The following SMYD3 variants were observed in gnomAD, a reference collection of about 807,000 sequenced individuals.
SMYD3 encodes histone-lysine N-methyltransferase SMYD3.
In SMYD3, 36 loss-of-function variants were observed where a neutral mutation model predicts 57.7. The ratio of observed to expected loss-of-function variants is 0.62; its 90% CI spans 0.48 to 0.82. The LOEUF is 0.82. SMYD3 is among the 40% of genes least tolerant of loss of function. The pLI is 0.00. For missense variants in SMYD3, 515 were observed against 538.8 expected, an observed-to-expected ratio of 0.96 and a Z score of 0.44; for synonymous variants, 211 against 195.0, an observed-to-expected ratio of 1.08 and a Z score of -0.68.
rs1325810241 is a variant in SMYD3 at position 246,248,654 on chromosome 1, T to TTTTTG, written c.531+78546_531+78547insCAAAA. 1.1e-4 allele frequency among the ~76,000 whole-genome samples: 15 copies of TTTTTG among 138,942 alleles called. No homozygotes were observed. The East Asian group carries it at 3.0e-3, about 28-fold the overall frequency. The allele number at this position is 138,942 out of a possible 152,430, so 91.2% of individuals were successfully genotyped here. A position where few individuals can be genotyped will look rare whatever the true frequency, so the allele number is the denominator to read the frequency against. ...GACTTTCCTTTTTTTTTTTTTTTTT[T>TTTTTG]TTTTTGAGATGGAGTCTCGCTCTGT... On this transcript the variant is annotated intron_variant, in intron 5 of 11. Coordinates refer to ENST00000490107, the MANE Select transcript of SMYD3 (RefSeq NM_001167740.2).
chr1:246,372,939 G>A (rs2066215520), intron 1 of SMYD3, among the ~76,000 whole-genome samples: 1 of 152,176 alleles, frequency 6.6e-6, no homozygotes, highest in Admixed American at 6.5e-5. Context: ...GAAGAGAACT[G>A]TACTTTAAGC....
At chr1:245,973,761 C>T (rs1019725719) in intron 5 of SMYD3, among the ~76,000 whole-genome samples, 7 of 152,176 alleles carry the variant, frequency 4.6e-5, no homozygotes, top group African/African-American at 1.4e-4. Flanking sequence ...CCCTTAATAA[C>T]GTCTTTTGAT....
At chr1:246,505,731 C>T (rs10754520) in intron 1 of SMYD3, among the ~76,000 whole-genome samples, 59,033 of 152,088 alleles carry the variant, frequency 0.39, 13,222 homozygotes, top group East Asian at 0.71. Flanking sequence ...CAACAAGCAT[C>T]CCACCCACAA....
intron 5 of SMYD3, among the ~76,000 whole-genome samples, chr1:246,045,361 C>G (rs1449836997): frequency 1.3e-5 from 2 of 151,998 alleles, no homozygotes; most frequent in African/African-American, 4.8e-5. Flanking sequence ...TGACAAACCT[C>G]ACAAAAAGAA....
At chr1:245,793,221 A>C (rs1055995857) in intron 10 of SMYD3, among the ~76,000 whole-genome samples, 1 of 151,792 alleles carries the variant, frequency 6.6e-6, no homozygotes, top group Non-Finnish European at 1.5e-5. Context: ...AGGCAGGAGA[A>C]TCGCTTGAAC....
intron 5 of SMYD3, among the ~76,000 whole-genome samples, chr1:245,983,483 C>A (rs1286072310): frequency 6.6e-6 from 1 of 152,184 alleles, no homozygotes; most frequent in Admixed American, 6.5e-5. Context: ...CTGGGACCCA[C>A]GACCAGATGC....
chr1:245,859,920 G>A (rs1363772096), intron 9 of SMYD3, among the ~76,000 whole-genome samples: 2 of 152,096 alleles, frequency 1.3e-5, no homozygotes, highest in East Asian at 1.9e-4. Context: ...TCACGTCAAC[G>A]TAAGAATGAG....
intron 2 of SMYD3, among the ~76,000 whole-genome samples, chr1:246,348,574 G>C (rs562296483): frequency 8.5e-5 from 13 of 152,100 alleles, no homozygotes; most frequent in African/African-American, 3.1e-4. Flanking sequence ...ATAAATATGG[G>C]AACAACAGAC....
chr1:245,818,198 C>G (rs535788796), intron 10 of SMYD3, among the ~76,000 whole-genome samples: 21 of 152,324 alleles, frequency 1.4e-4, no homozygotes, highest in African/African-American at 5.1e-4. Flanking sequence ...CAGCGGATCT[C>G]TCAGCAGAAA....
chr1:246,496,138 G>C (rs1219325060), intron 1 of SMYD3, among the ~76,000 whole-genome samples: 1 of 151,920 alleles, frequency 6.6e-6, no homozygotes, highest in Non-Finnish European at 1.5e-5. Flanking sequence ...CCGGGTTCAA[G>C]CGATTCTCCT....
At chr1:245,892,363 G>C (rs977514811) in intron 8 of SMYD3, among the ~76,000 whole-genome samples, 1 of 152,080 alleles carries the variant, frequency 6.6e-6, no homozygotes, top group African/African-American at 2.4e-5. Context: ...TTATCTAATT[G>C]AACCCTTAAA....
intron 5 of SMYD3, among the ~76,000 whole-genome samples, chr1:246,160,473 G>A (rs1260268446): frequency 6.6e-6 from 1 of 152,178 alleles, no homozygotes; most frequent in Admixed American, 6.5e-5. Context: ...AAATGTCAAA[G>A]CTCCTGCCAG....
chr1:246,295,281 T>A (rs935122275), intron 5 of SMYD3, among the ~76,000 whole-genome samples: 1 of 152,292 alleles, frequency 6.6e-6, no homozygotes. Context: ...ATCCCACTGC[T>A]GCCCAGCAGC....
intron 10 of SMYD3, among the ~76,000 whole-genome samples, chr1:245,793,296 G>A (rs185257366): frequency 1.9e-4 from 28 of 150,282 alleles, no homozygotes; most frequent in Admixed American, 9.4e-4. Context: ...GCGAGACTCC[G>A]TCCCAAAAAA....
At chr1:246,037,479 T>C (rs1393701858) in intron 5 of SMYD3, among the ~76,000 whole-genome samples, 2 of 152,160 alleles carry the variant, frequency 1.3e-5, no homozygotes, top group Non-Finnish European at 2.9e-5. Context: ...GGTTAGCAGG[T>C]GGAAGGAGAG....
rs111391483 is a variant in SMYD3, at chr1:246,505,429, G to GAGCAGCAGCAGCAGCAGCAGCAGCAGC, written c.164+1624_164+1625insGCTGCTGCTGCTGCTGCTGCTGCTGCT. Among the ~76,000 whole-genome samples the GAGCAGCAGCAGCAGCAGCAGCAGCAGC allele has an allele frequency of 4.5e-4, 69 of 151,716 alleles. 1 individual carries two copies. Among genetic ancestry groups the GAGCAGCAGCAGCAGCAGCAGCAGCAGC allele is most frequent in the African/African-American group, 1.5e-3 (63 of 41,292 alleles). On this transcript the variant is annotated intron_variant, in intron 1 of 11. Coordinates refer to ENST00000490107, the MANE Select transcript of SMYD3 (RefSeq NM_001167740.2). ...CTCCAGCAACAGTGAGTTTCCCAAG[G>GAGCAGCAGCAGCAGCAGCAGCAGCAGC]AGCAGCAGCAGCAGCAGCACCAGGG...
At chr1:246,206,186 G>C (rs748590464) in intron 5 of SMYD3, among the ~76,000 whole-genome samples, 16 of 152,032 alleles carry the variant, frequency 1.1e-4, no homozygotes, top group Non-Finnish European at 1.8e-4. Flanking sequence ...TAAAAATCTA[G>C]ATACAACTTA....
intron 1 of SMYD3, among the ~76,000 whole-genome samples, chr1:246,505,441 C>G (rs2068522396): frequency 6.6e-6 from 1 of 152,122 alleles, no homozygotes; most frequent in Admixed American, 6.5e-5. Flanking sequence ...GCAGCAGCAG[C>G]AGCAGCACCA....
chr1:246,107,092 G>A (rs2061139229), intron 5 of SMYD3, among the ~76,000 whole-genome samples: 1 of 140,878 alleles, frequency 7.1e-6, no homozygotes, highest in Non-Finnish European at 1.5e-5. Context: ...AAGGTCAGGA[G>A]ATCGAGACCA....
Sources: allele counts gnomAD v4.1 joint callset (sites outside exome capture counted in the v4.1 genomes callset), GRCh38; gene constraint gnomAD v4.1.1; transcripts MANE v1.5; gene names NCBI Gene and HGNC (gene_info 2026-07-23, HGNC 2026-07-21).